NCBP3: variants seen among roughly 807,000 people sequenced by gnomAD.
NCBP3 encodes the protein nuclear cap-binding protein subunit 3.
In NCBP3, 20 loss-of-function variants were observed where a neutral mutation model predicts 75.7. The ratio of observed to expected loss-of-function variants is 0.26; its 90% CI spans 0.19 to 0.38. NCBP3 has a LOEUF of 0.38. Among genes scored for constraint, NCBP3 ranks in the 10% least tolerant of loss-of-function variants. The pLI is 1.00. For synonymous variants in NCBP3, 293 were observed against 290.5 expected (o/e 1.01, Z -0.09); for missense variants, 678 against 796.9 (o/e 0.85, Z 1.80).
intron 3 of NCBP3, among the ~76,000 whole-genome samples, chr17:3,830,449 C>T (rs1385736569): frequency 1.3e-5 from 2 of 152,108 alleles, no homozygotes; most frequent in African/African-American, 4.8e-5. Flanking sequence ...CAATACCATA[C>T]ATTTACTAAG....
At position 3,802,231 on chromosome 17, in the gene NCBP3, A is replaced by G. The variant is rs1419802548; in HGVS notation, c.*10813T>C. On this transcript the variant is annotated 3_prime_UTR_variant, in exon 13 of 13. Coordinates refer to ENST00000389005, the MANE Select transcript of NCBP3 (RefSeq NM_001114118.3). ...GCAGGACATTCCAAGGCTCTCTAACACGAGTGTCTGCAGCCCCATTCGCTT... is the reference window on the plus strand; with the variant it reads ...GCAGGACATTCCAAGGCTCTCTAACGCGAGTGTCTGCAGCCCCATTCGCTT... The G allele has an allele frequency of 6.6e-6, 1 of 152,132 alleles. No individual in the cohort carries two copies. Among genetic ancestry groups the G allele is most frequent in the African/African-American group, 2.4e-5 (1 of 41,410 alleles). The allele number at this position is 152,132 out of a possible 1,614,324, so 9.4% of individuals were successfully genotyped here.
chr17:3,843,170 G>A lies in NCBP3; in HGVS notation c.184-19C>T, dbSNP rs201422898. The A allele has an allele frequency of 2.2e-4, 334 of 1,549,320 alleles. No homozygotes were observed. The highest frequency in any genetic ancestry group is 2.8e-4 in the Non-Finnish European group (317 of 1,145,320). The stretch of plus-strand genomic sequence containing the variant: ...TCGTGTCCTAACACAAAGGGGAAGG[G>A]TGAGAAATTCAGACAGCAATTGAGG... On this transcript the variant is annotated intron_variant, in intron 1 of 12. Transcript: ENST00000389005.
chr17:3,845,621 G>A (rs1324450769), intron 1 of NCBP3, among the ~76,000 whole-genome samples: 1 of 152,088 alleles, frequency 6.6e-6, no homozygotes, highest in African/African-American at 2.4e-5. Flanking sequence ...AAATTCCTCC[G>A]GGGCAAGACC....
chr17:3,837,879 G>C (rs559186270), intron 3 of NCBP3, among the ~76,000 whole-genome samples: 1 of 152,088 alleles, frequency 6.6e-6, no homozygotes, highest in African/African-American at 2.4e-5. Flanking sequence ...CCTGGACAAA[G>C]AATCGACTGA....
At chr17:3,842,991 TAA>T (rs2143721438) in intron 2 of NCBP3, 93 bp downstream of exon 2, 5 of 1,081,434 alleles carry the variant, frequency 4.6e-6, no homozygotes, top group Non-Finnish European at 6.7e-6. Context: ...AGCAACAAAA[TAA>T]AAGAGGAAAT....
intron 5 of NCBP3, 95 bp from the exon 6 acceptor site, chr17:3,825,938 G>A: frequency 2.1e-6 from 3 of 1,405,200 alleles, no homozygotes; most frequent in East Asian, 2.5e-5. Context: ...TAAAAGTCCA[G>A]TATTTTCTCC....
intron 3 of NCBP3, among the ~76,000 whole-genome samples, chr17:3,833,287 T>A (rs1567592450): frequency 6.6e-6 from 1 of 152,164 alleles, no homozygotes; most frequent in Non-Finnish European, 1.5e-5. Context: ...CTAATTTTTT[T>A]ATTTTTTGCA....
intron 3 of NCBP3, among the ~76,000 whole-genome samples, chr17:3,839,284 T>C (rs1469187443): frequency 1.3e-5 from 2 of 152,204 alleles, no homozygotes; most frequent in Non-Finnish European, 2.9e-5. Flanking sequence ...TTAGTTTAGC[T>C]TTCTCTGACA....
In NCBP3 at chr17:3,812,336, T is replaced by C. The variant is rs1173447961; in HGVS notation, c.*708A>G. ...CCATAATCCCACCCCAGCACAAAAA[T>C]CAACCCCAAATCCAGACGTCACAGT... On this transcript the variant is annotated 3_prime_UTR_variant, in exon 13 of 13. Transcript: ENST00000389005. The C allele has an allele frequency of 5.1e-6, 1 of 197,410 alleles. No individual in the cohort carries two copies. The highest frequency in any genetic ancestry group is 2.4e-5 in the African/African-American group (1 of 42,180). The allele number at this position is 197,410 out of a possible 1,614,324, so 12.2% of individuals were successfully genotyped here.
intron 11 of NCBP3, 29 bp downstream of exon 11, chr17:3,816,087 C>A: frequency 6.3e-7 from 1 of 1,596,646 alleles, no homozygotes; most frequent in Non-Finnish European, 8.5e-7. Context: ...GCTCAGAATC[C>A]AGCCAGGAAT....
chr17:3,834,821 T>G (rs1489338015), intron 3 of NCBP3, among the ~76,000 whole-genome samples: 1 of 128,804 alleles, frequency 7.8e-6, no homozygotes, highest in African/African-American at 2.9e-5. Flanking sequence ...GCTCCAAGAC[T>G]GTGGATGAAA....
At chr17:3,845,175 G>A (rs1474555823) in intron 1 of NCBP3, among the ~76,000 whole-genome samples, 2 of 152,178 alleles carry the variant, frequency 1.3e-5, no homozygotes, top group Non-Finnish European at 2.9e-5. Flanking sequence ...ATAGTGAATG[G>A]TAAATGCTAC....
intron 2 of NCBP3, among the ~76,000 whole-genome samples, chr17:3,840,739 A>G (rs904890851): frequency 6.6e-6 from 1 of 152,220 alleles, no homozygotes; most frequent in African/African-American, 2.4e-5. Context: ...GCTCTTCCAC[A>G]TTATAACTGC....
rs147015789 is a variant in NCBP3, at chr17:3,803,993, C to T, written c.*9051G>A. On this transcript the variant is annotated 3_prime_UTR_variant, in exon 13 of 13. Coordinates refer to ENST00000389005, the MANE Select transcript of NCBP3 (RefSeq NM_001114118.3). ...TCAGGAGGGTGAGGCAGGAGAATGG[C>T]GTGAACCCAGGAGGCGGAGCTCGCA... 0.018 allele frequency: 2,803 copies of T among 152,126 alleles called. 45 individuals are homozygous for T. Among genetic ancestry groups the T allele is most frequent in the Non-Finnish European group, 0.026 (1,738 of 68,018 alleles). The allele number at this position is 152,126 out of a possible 1,614,324, so 9.4% of individuals were successfully genotyped here.
At position 3,824,298 on chromosome 17, in the gene NCBP3, C is replaced by A. The variant is rs541126902; in HGVS notation, c.796+644G>T. ...ACTAACTCTCAAATGATTAAAAAAA[C>A]CAATATGTGTATATGTGTATAATAC... On this transcript the variant is annotated intron_variant, in intron 7 of 12. Coordinates refer to ENST00000389005, the MANE Select transcript of NCBP3 (RefSeq NM_001114118.3). 6 of 151,802 alleles carry A rather than the reference C, an allele frequency of 4.0e-5. No homozygotes were observed. In the East Asian group the frequency reaches 1.2e-3, roughly 29 times the overall value. 9.4% of individuals were successfully genotyped at this position (151,802 alleles called of 1,614,324 possible). A position where few individuals can be genotyped will look rare whatever the true frequency, so the allele number is the denominator to read the frequency against.
At chr17:3,842,285 CG>C (rs538990159) in intron 2 of NCBP3, among the ~76,000 whole-genome samples, 1,798 of 152,192 alleles carry the variant, frequency 0.012, 19 homozygotes, top group South Asian at 0.021. Context: ...ATTAGCCAGG[CG>C]TGGTGGCGGG....
In NCBP3 at chr17:3,821,952, C is replaced by A; in HGVS notation, c.896+1G>T. On this transcript the variant is annotated splice_donor_variant, in intron 8 of 12. Coordinates refer to ENST00000389005, the MANE Select transcript of NCBP3 (RefSeq NM_001114118.3). LOFTEE classifies it high-confidence loss of function. ...ATTGCATTTGAAGGTTTTGGACTCA[C>A]CATGAATTGCTAAGAATTCCTTTCA... 1 of 1,595,416 alleles carries A rather than the reference C, an allele frequency of 6.3e-7. No individual in the cohort carries two copies. Among genetic ancestry groups the A allele is most frequent in the Non-Finnish European group, 8.6e-7 (1 of 1,164,598 alleles).
Position 3,837,517 on chromosome 17 carries a change from G to A in NCBP3, c.355+2583C>T, listed in dbSNP as rs1412391535. ...AAAAAAAATGCTGGGCAGTGGCCAA[G>A]GTGGGTGGATCACGAGGTCAGGAGG... On this transcript the variant is annotated intron_variant, in intron 3 of 12. Coordinates refer to ENST00000389005, the MANE Select transcript of NCBP3 (RefSeq NM_001114118.3). 2.0e-5 allele frequency among the ~76,000 whole-genome samples: 3 copies of A among 149,398 alleles called. No individual in the cohort carries two copies. In the East Asian group the frequency reaches 5.9e-4, roughly 29 times the overall value.
chr17:3,822,145 G>C (rs1300215099), intron 7 of NCBP3, 93 bp from the exon 8 acceptor site: 2 of 849,676 alleles, frequency 2.4e-6, no homozygotes, highest in South Asian at 1.5e-5. Context: ...GCTGGAATCA[G>C]ATCAGCGCAA....
Sources: allele counts gnomAD v4.1 joint callset (sites outside exome capture counted in the v4.1 genomes callset), GRCh38; gene constraint gnomAD v4.1.1; transcripts MANE v1.5; gene names NCBI Gene and HGNC (gene_info 2026-07-23, HGNC 2026-07-21).